The following SH3TC1 variants were observed in gnomAD, a reference collection of about 807,000 sequenced individuals.
SH3TC1 encodes the protein SH3 domain and tetratricopeptide repeat-containing protein 1.
SH3TC1 carries 135 observed loss-of-function variants against 117.3 expected under a neutral mutation model. The observed-to-expected ratio is 1.15, with a 90% CI of 1.00 to 1.33. SH3TC1 has a LOEUF of 1.33. SH3TC1 is among the 40% of genes most tolerant of loss of function. SH3TC1 has a pLI of 0.00. For missense variants in SH3TC1, 2,092 were observed against 1,794.3 expected (o/e 1.17, Z -3.00); for synonymous variants, 898 against 816.9 (o/e 1.10, Z -1.69).
At chr4:8,202,517 C>T (rs572429121) in intron 1 of SH3TC1, among the ~76,000 whole-genome samples, 2 of 152,364 alleles carry the variant, frequency 1.3e-5, no homozygotes, top group South Asian at 2.1e-4. Flanking sequence ...TCACCATTCC[C>T]GGCCCCCACA....
chr4:8,232,847 C>A, intron 13 of SH3TC1: 2 of 1,262,404 alleles, frequency 1.6e-6, no homozygotes, highest in Admixed American at 2.6e-5. Flanking sequence ...TGTGTTAGAG[C>A]CATGTTCTCA....
At position 8,228,622 on chromosome 4, in the gene SH3TC1, C is replaced by T. The variant is rs747623569; in HGVS notation, c.2928C>T (p.Ala976=). The change falls in exon 12 of 18, where the codon GCC becomes GCT. Residue 976 remains alanine, a synonymous_variant. Transcript: ENST00000245105. ...KGYYEWALLV[A]VEMGHVESQL... ...ACTACGAGTGGGCCCTTCTGGTCGC[C>T]GTGGAGATGGGCCACGTGGAGAGTG... 1.8e-5 allele frequency: 28 copies of T among 1,518,634 alleles called. No individual in the cohort carries two copies. Among genetic ancestry groups the T allele is most frequent in the South Asian group, 7.9e-5 (6 of 76,332 alleles). The allele number at this position is 1,518,634 out of a possible 1,614,324, so 94.1% of individuals were successfully genotyped here.
rs1379704334 is a variant in SH3TC1 at position 8,241,057 on chromosome 4, C to T, written c.*102C>T. 6 of 1,496,466 alleles carry T rather than the reference C, an allele frequency of 4.0e-6. No homozygotes were observed. The highest frequency in any genetic ancestry group is 1.2e-5 in the South Asian group (1 of 80,858). 92.7% of individuals were successfully genotyped at this position (1,496,466 alleles called of 1,614,324 possible). A position where few individuals can be genotyped will look rare whatever the true frequency, so the allele number is the denominator to read the frequency against. On this transcript the variant is annotated 3_prime_UTR_variant, in exon 18 of 18. Transcript: ENST00000245105. ...TTTCTGGCAAATGGAGGCACGAACG[C>T]AGGGGCCAAATAGCAATAAATGGGT...
chr4:8,237,414 T>A, intron 16 of SH3TC1, 60 bp from the exon 17 acceptor site: 1 of 1,333,978 alleles, frequency 7.5e-7, no homozygotes, highest in Non-Finnish European at 9.7e-7. Context: ...GCTGCCGGGG[T>A]CTGCATGCCT....
rs927206885 is a variant in SH3TC1 at position 8,210,636 on chromosome 4, G to A, written c.247+814G>A. On this transcript the variant is annotated intron_variant, in intron 3 of 17. Transcript: ENST00000245105. The surrounding 1 kb of genome is among the most constrained non-coding windows in gnomAD (Gnocchi z 4.1). ...AAAATACAAAAATTAGCTGGCGCAT[G>A]CCTGTAATCCCAGCTATTTGGGAGG... 8.6e-5 allele frequency among the ~76,000 whole-genome samples: 13 copies of A among 151,152 alleles called. No homozygotes were observed. The highest frequency in any genetic ancestry group is 3.4e-3 in the Middle Eastern group (1 of 292).
Position 8,218,262 on chromosome 4 carries a change from C to A in SH3TC1, c.840-9C>A. 1.9e-6 allele frequency: 3 copies of A among 1,608,274 alleles called. No homozygotes were observed. Among genetic ancestry groups the A allele is most frequent in the Non-Finnish European group, 2.6e-6 (3 of 1,175,446 alleles). On this transcript the variant is annotated splice_polypyrimidine_tract_variant and intron_variant, in intron 7 of 17. Coordinates refer to ENST00000245105, the MANE Select transcript of SH3TC1 (RefSeq NM_018986.5). ...TCCCGCAGCAAAGACCTCCCTCTTC[C>A]GGCTCCAGGTGGGCTCTTAGGATCC...
rs147434585 is a variant in SH3TC1, at chr4:8,233,853, A to G, written c.3282+340A>G. Among the ~76,000 whole-genome samples, 229 of 147,840 alleles carry G rather than the reference A, an allele frequency of 1.5e-3. 1 individual carries two copies. The highest frequency in any genetic ancestry group is 5.4e-3 in the African/African-American group (215 of 39,710). On this transcript the variant is annotated intron_variant, in intron 14 of 17. Transcript: ENST00000245105. ...CCATCCATCAGGCATCCATCCTTCC[A>G]TCATCCATCCATTCACCTATCATCC...
At chr4:8,214,691 T>C in intron 5 of SH3TC1, 111 bp downstream of exon 5, 5 of 866,022 alleles carry the variant, frequency 5.8e-6, no homozygotes, top group Non-Finnish European at 9.1e-6. Context: ...TATTTATTGA[T>C]GTATTGTTTT....
Position 8,228,567 on chromosome 4 carries a change from G to T in SH3TC1, c.2873G>T (p.Arg958Leu), listed in dbSNP as rs893760066. The change falls in exon 12 of 18, where the codon CGC becomes CTC. Residue 958 changes from arginine to leucine, a missense_variant. Coordinates refer to ENST00000245105, the MANE Select transcript of SH3TC1 (RefSeq NM_018986.5). ...CTGCAGCTGGGCCATCTCTGCACCC[G>T]CCAGGGCCCGGCCCAGCAGGGCAAG... Reference protein sequence around the residue: ...VLLQLGHLCTRQGPAQQGKGY... With the variant: ...VLLQLGHLCTLQGPAQQGKGY... 6.3e-7 allele frequency: 1 copy of T among 1,598,998 alleles called. No homozygotes were observed. The highest frequency in any genetic ancestry group is 2.2e-5 in the East Asian group (1 of 44,620).
At position 8,226,992 on chromosome 4, in the gene SH3TC1, C is replaced by T. The variant is rs191645827; in HGVS notation, c.1298C>T (p.Pro433Leu). ...TTGTGACTTGCAGAAATACCTCCACCTTGCCTGAGCCTGGAGCCACAGGAG... is the reference window on the plus strand; with the variant it reads ...TTGTGACTTGCAGAAATACCTCCACTTTGCCTGAGCCTGGAGCCACAGGAG... ...EQPQEKEIPP[P>L]CLSLEPQETL... is the part of the protein sequence containing the mutation. Residue 433 changes from proline to leucine, a missense_variant, in exon 12 of 18, where the codon CCT becomes CTT. Coordinates refer to ENST00000245105, the MANE Select transcript of SH3TC1 (RefSeq NM_018986.5). 3.9e-5 allele frequency: 61 copies of T among 1,544,602 alleles called. No individual in the cohort carries two copies. The African/African-American group carries it at 6.9e-4, about 17-fold the overall frequency.
chr4:8,222,789 T>C, intron 9 of SH3TC1, 51 bp from the exon 10 acceptor site: 1 of 1,591,518 alleles, frequency 6.3e-7, no homozygotes, highest in African/African-American at 1.3e-5. Context: ...TAGTGTGAAA[T>C]GCTGACTTTG....
intron 1 of SH3TC1, among the ~76,000 whole-genome samples, chr4:8,182,797 C>T (rs1169757951): frequency 6.6e-6 from 1 of 152,184 alleles, no homozygotes; most frequent in African/African-American, 2.4e-5. Flanking sequence ...CTGTGTCTTT[C>T]ATGCTGCCCC....
intron 14 of SH3TC1, among the ~76,000 whole-genome samples, chr4:8,234,376 A>T (rs1248316195): frequency 6.6e-6 from 1 of 151,200 alleles, no homozygotes; most frequent in Non-Finnish European, 1.5e-5. Flanking sequence ...TCGTCTATCC[A>T]CCCATCTATC....
intron 1 of SH3TC1, among the ~76,000 whole-genome samples, chr4:8,200,019 C>T (rs1340786931): frequency 2.6e-5 from 4 of 152,222 alleles, no homozygotes; most frequent in Non-Finnish European, 4.4e-5. Context: ...TGTGTGTGTA[C>T]ACCACTGAGA....
chr4:8,189,626 C>G (rs934929017), intron 1 of SH3TC1, among the ~76,000 whole-genome samples: 4 of 152,056 alleles, frequency 2.6e-5, no homozygotes, highest in African/African-American at 9.7e-5. Flanking sequence ...AGGGGTCATG[C>G]GCCAAGTGCC....
At position 8,230,773 on chromosome 4, in the gene SH3TC1, A is replaced by G. The variant is rs564931938; in HGVS notation, c.2951-1203A>G. Among the ~76,000 whole-genome samples the G allele has an allele frequency of 1.3e-3, 165 of 128,984 alleles. 1 individual carries two copies. Among genetic ancestry groups the G allele is most frequent in the African/African-American group, 4.4e-3 (155 of 35,494 alleles). 84.6% of individuals were successfully genotyped at this position (128,984 alleles called of 152,430 possible). On this transcript the variant is annotated intron_variant, in intron 12 of 17. Coordinates refer to ENST00000245105, the MANE Select transcript of SH3TC1 (RefSeq NM_018986.5). ...CCTTAGCTGCATCTTGGAATTTTTG[A>G]TATGCTGTGCTTTTTTTTTTTTTTT...
Position 8,228,218 on chromosome 4 carries a change from C to G in SH3TC1, c.2524C>G (p.Pro842Ala). The change falls in exon 12 of 18, where the codon CCG becomes GCG. Residue 842 changes from proline (P) to alanine (A), a missense_variant. Physicochemically the swap from Pro to Ala is conservative, Grantham distance 27 (BLOSUM62 -1). Coordinates refer to ENST00000245105, the MANE Select transcript of SH3TC1 (RefSeq NM_018986.5). ...AWLHVLHGQS[P>A]VALDILQSVR... ...GCTGCACGTGCTTCATGGGCAGAGC[C>G]CGGTGGCCCTGGACATCCTGCAGTC... 1 of 1,608,962 alleles carries G rather than the reference C, an allele frequency of 6.2e-7. No homozygotes were observed. The highest frequency in any genetic ancestry group is 8.5e-7 in the Non-Finnish European group (1 of 1,177,202).
chr4:8,196,965 G>A (rs553271941), upstream of SH3TC1, among the ~76,000 whole-genome samples: 2 of 152,162 alleles, frequency 1.3e-5, no homozygotes, highest in Non-Finnish European at 1.5e-5. This position sits in a 1 kb window ranked among gnomAD's most constrained non-coding sequence, Gnocchi z 4.6. Context: ...CTTATGTACC[G>A]AGCTGACACC....
chr4:8,237,305 T>C, intron 16 of SH3TC1, 169 bp from the exon 17 acceptor site: 1 of 569,860 alleles, frequency 1.8e-6, no homozygotes, highest in Non-Finnish European at 2.9e-6. Flanking sequence ...GGGCAGGCCT[T>C]ATTAGTTCTG....
Sources: allele counts gnomAD v4.1 joint callset (sites outside exome capture counted in the v4.1 genomes callset), GRCh38; gene constraint gnomAD v4.1.1; non-coding constraint Gnocchi (gnomAD v3.1); transcripts MANE v1.5; gene names NCBI Gene and HGNC (gene_info 2026-07-23, HGNC 2026-07-21).